The following TMTC2 variants were observed in gnomAD, a reference collection of about 807,000 sequenced individuals.
TMTC2 encodes the protein protein O-mannosyl-transferase TMTC2.
TMTC2 carries 43 observed loss-of-function variants against 82.4 expected under a neutral mutation model. That is an observed-to-expected ratio of 0.52 (90% CI 0.41 to 0.67). TMTC2 has a LOEUF of 0.67. Among genes scored for constraint, TMTC2 ranks in the 30% least tolerant of loss-of-function variants. TMTC2 has a pLI of 0.00. For synonymous variants in TMTC2, 408 were observed against 381.9 expected (o/e 1.07, Z -0.80); for missense variants, 919 against 1,012.4 (o/e 0.91, Z 1.25).
chr12:82,944,317 G>T (rs1035468253), intron 4 of TMTC2, among the ~76,000 whole-genome samples: 7 of 152,136 alleles, frequency 4.6e-5, no homozygotes, highest in African/African-American at 1.7e-4. Flanking sequence ...GGGCATGGTG[G>T]CTCACACCTG....
intron 11 of TMTC2, among the ~76,000 whole-genome samples, chr12:83,128,549 A>G (rs746640005): frequency 4.6e-5 from 7 of 152,196 alleles, no homozygotes; most frequent in Non-Finnish European, 8.8e-5. Flanking sequence ...GGAAATATCA[A>G]TTCACAGAAG....
chr12:82,730,120 G>A (rs554504444), intron 1 of TMTC2, among the ~76,000 whole-genome samples: 1 of 152,124 alleles, frequency 6.6e-6, no homozygotes, highest in Admixed American at 6.6e-5. Context: ...CTTCATTCTT[G>A]AAGTCAGTGA....
At chr12:82,766,868 G>A (rs111921722) in intron 1 of TMTC2, among the ~76,000 whole-genome samples, 6 of 152,076 alleles carry the variant, frequency 3.9e-5, no homozygotes, top group Admixed American at 2.6e-4. Context: ...GCATGATCTC[G>A]GCTCACTGCA....
chr12:82,930,384 T>C (rs1346898307), intron 3 of TMTC2, 47 bp from the exon 4 acceptor site: 2 of 1,125,150 alleles, frequency 1.8e-6, no homozygotes, highest in Non-Finnish European at 2.6e-6. Flanking sequence ...ATGTCATGTA[T>C]AATTGGATTG....
At chr12:83,045,675 G>C (rs1211562056) in intron 9 of TMTC2, among the ~76,000 whole-genome samples, 1 of 128,026 alleles carries the variant, frequency 7.8e-6, no homozygotes, top group Non-Finnish European at 1.7e-5. Flanking sequence ...GTTATAGATA[G>C]CTGGTCGCTT....
intron 11 of TMTC2, among the ~76,000 whole-genome samples, chr12:83,089,891 C>T (rs987768190): frequency 6.6e-6 from 1 of 151,630 alleles, no homozygotes; most frequent in Non-Finnish European, 1.5e-5. Flanking sequence ...TCCTTCTTCA[C>T]GTGCTCTTTG....
chr12:82,868,723 AAGGG>A (rs1411597739), intron 2 of TMTC2, among the ~76,000 whole-genome samples: 1 of 150,650 alleles, frequency 6.6e-6, no homozygotes, highest in Non-Finnish European at 1.5e-5. Flanking sequence ...TTGAAAAAAA[AAGGG>A]AGGCACTATT....
intron 4 of TMTC2, among the ~76,000 whole-genome samples, chr12:82,935,449 T>A (rs1006764194): frequency 7.9e-5 from 12 of 152,192 alleles, no homozygotes; most frequent in African/African-American, 2.9e-4. Context: ...TGTTGATTTG[T>A]CTTTTCATGT....
At chr12:82,754,303 CAAAG>C (rs547679144) in intron 1 of TMTC2, among the ~76,000 whole-genome samples, 21 of 151,994 alleles carry the variant, frequency 1.4e-4, no homozygotes, top group South Asian at 8.3e-4. Flanking sequence ...AAACAAAACA[CAAAG>C]AAAAACCCAT....
chr12:82,917,392 C>T (rs1025425715), intron 3 of TMTC2, among the ~76,000 whole-genome samples: 6 of 151,976 alleles, frequency 3.9e-5, no homozygotes, highest in Non-Finnish European at 7.4e-5. Flanking sequence ...CCAAGACTTC[C>T]ATTATGGTTA....
intron 7 of TMTC2, among the ~76,000 whole-genome samples, chr12:82,977,224 A>G (rs899494196): frequency 6.6e-6 from 1 of 151,992 alleles, no homozygotes; most frequent in Non-Finnish European, 1.5e-5. Flanking sequence ...TTTAATAGCA[A>G]TAAACATTCT....
intron 8 of TMTC2, among the ~76,000 whole-genome samples, chr12:82,990,989 G>A (rs1353845429): frequency 6.6e-6 from 1 of 152,122 alleles, no homozygotes; most frequent in African/African-American, 2.4e-5. Context: ...ATCCTAGATG[G>A]GGAGATGGGC....
chr12:82,935,132 A>C (rs1266462890), intron 4 of TMTC2, among the ~76,000 whole-genome samples: 1 of 152,160 alleles, frequency 6.6e-6, no homozygotes, highest in Non-Finnish European at 1.5e-5. Flanking sequence ...TGGTAAAAAA[A>C]ATATCATTGG....
At chr12:82,723,546 G>A (rs1330137751) in intron 1 of TMTC2, among the ~76,000 whole-genome samples, 1 of 152,226 alleles carries the variant, frequency 6.6e-6, no homozygotes, top group Middle Eastern at 3.4e-3. Context: ...TATGTTTCAT[G>A]TACACCTCAT....
intron 1 of TMTC2, among the ~76,000 whole-genome samples, chr12:82,753,459 A>G (rs1876129910): frequency 2.0e-5 from 3 of 151,984 alleles, no homozygotes; most frequent in Non-Finnish European, 4.4e-5. Flanking sequence ...AGTAAATATA[A>G]TGTTATAACA....
intron 3 of TMTC2, among the ~76,000 whole-genome samples, chr12:82,927,928 G>C (rs1235043778): frequency 6.6e-6 from 1 of 151,642 alleles, no homozygotes; most frequent in Non-Finnish European, 1.5e-5. Flanking sequence ...ATACACACTA[G>C]AAAACCAAAA....
At chr12:83,002,997 C>T (rs1201120074) in intron 8 of TMTC2, among the ~76,000 whole-genome samples, 10 of 152,038 alleles carry the variant, frequency 6.6e-5, no homozygotes, top group Non-Finnish European at 5.9e-5. Context: ...AATGATCTGT[C>T]TAACGCTGTC....
chr12:82,714,745 C>T (rs1323395549), intron 1 of TMTC2, among the ~76,000 whole-genome samples: 2 of 152,084 alleles, frequency 1.3e-5, no homozygotes, highest in Non-Finnish European at 2.9e-5. Context: ...TCACATAGCT[C>T]ACATTCTAAA....
At chr12:82,766,963 T>G (rs1043111214) in intron 1 of TMTC2, among the ~76,000 whole-genome samples, 1 of 152,234 alleles carries the variant, frequency 6.6e-6, no homozygotes, top group South Asian at 2.1e-4. Flanking sequence ...CACACCCAGA[T>G]AATTTTTTTG....
Sources: allele counts gnomAD v4.1 joint callset (sites outside exome capture counted in the v4.1 genomes callset), GRCh38; gene constraint gnomAD v4.1.1; transcripts MANE v1.5; gene names NCBI Gene and HGNC (gene_info 2026-07-23, HGNC 2026-07-21).